Variants in OR2AT4 observed in about 807,000 individuals in gnomAD.
The protein encoded by OR2AT4 is olfactory receptor 2AT4.
OR2AT4 carries 6 observed loss-of-function variants against 10.3 expected under a neutral mutation model. The observed-to-expected ratio is 0.58, with a 90% CI of 0.32 to 1.15. OR2AT4 has a LOEUF of 1.15. Ranked by LOEUF, OR2AT4 falls within the 50% of genes most tolerant of loss-of-function variation. The pLI, the probability that OR2AT4 is intolerant of heterozygous loss-of-function variation, is 0.05. For synonymous variants in OR2AT4, 145 were observed against 159.1 expected (o/e 0.91, Z 0.67); for missense variants, 354 against 393.8 (o/e 0.90, Z 0.85).
chr11:75,089,185 C>T, exon 2 of OR2AT4: 1 of 1,614,130 alleles, frequency 6.2e-7, no homozygotes, highest in East Asian at 2.2e-5. Flanking sequence ...TAGATGTAGG[C>T]AATGCTGTTA....
chr11:75,093,810 C>CTTTTTTTTTTTTTTTTTTTTTTTTTTTTT (rs556380402), intron 1 of OR2AT4, among the ~76,000 whole-genome samples: 4 of 61,804 alleles, frequency 6.5e-5, no homozygotes, highest in Non-Finnish European at 1.1e-4. Context: ...TTTTCTTTTT[C>CTTTTTTTTTTTTTTTTTTTTTTTTTTTTT]TTTTTTTTTT....
At chr11:75,083,015 G>A (rs1949273435) in exon 2 of OR2AT4, 1 of 142,326 alleles carries the variant, frequency 7.0e-6, no homozygotes, top group Admixed American at 7.1e-5. Context: ...GGAGGTCAAG[G>A]TTGCAGTGAA....
exon 2 of OR2AT4, chr11:75,089,381 A>G (rs1949309794): frequency 6.2e-7 from 1 of 1,614,016 alleles, no homozygotes; most frequent in Non-Finnish European, 8.5e-7. Flanking sequence ...AACATGTAAA[A>G]CTTTGGAAGA....
At chr11:75,087,736 C>T (rs932352766) in exon 2 of OR2AT4, 2 of 152,202 alleles carry the variant, frequency 1.3e-5, no homozygotes, top group African/African-American at 4.8e-5. Context: ...GGTCATGCCA[C>T]TAACTTGAGA....
At chr11:75,088,577 A>AT (rs538223922) in exon 2 of OR2AT4, 1,417 of 602,132 alleles carry the variant, frequency 2.4e-3, no homozygotes, top group South Asian at 3.5e-3. Flanking sequence ...TGCCATGAAG[A>AT]TTTTTTTTTT....
exon 2 of OR2AT4, chr11:75,082,731 T>G (rs902578379): frequency 6.6e-6 from 1 of 152,176 alleles, no homozygotes; most frequent in Non-Finnish European, 1.5e-5. Flanking sequence ...AAACAGTTTC[T>G]GCACAGCGAA....
chr11:75,081,838 T>G (rs142244020), exon 2 of OR2AT4: 1 of 152,198 alleles, frequency 6.6e-6, no homozygotes, highest in Non-Finnish European at 1.5e-5. Flanking sequence ...GAAAGATCTC[T>G]ACAAGAAGAA....
At chr11:75,096,590 G>A (rs1193213399) in intron 1 of OR2AT4, among the ~76,000 whole-genome samples, 1 of 152,116 alleles carries the variant, frequency 6.6e-6, no homozygotes, top group African/African-American at 2.4e-5. Flanking sequence ...CTCCTTGTGA[G>A]GAATTCTCTT....
chr11:75,093,647 GATGATTAC>G (rs1464125331), intron 1 of OR2AT4, among the ~76,000 whole-genome samples: 1 of 152,070 alleles, frequency 6.6e-6, no homozygotes. Context: ...ATGATTCCAA[GATGATTAC>G]CTGATGATCT....
chr11:75,089,019 C>A (rs369166223), exon 2 of OR2AT4: 2 of 1,614,048 alleles, frequency 1.2e-6, no homozygotes, highest in Non-Finnish European at 1.7e-6. Flanking sequence ...GGAACTGATG[C>A]GAAGCACTGA....
chr11:75,093,133 C>T (rs7109062), intron 1 of OR2AT4, among the ~76,000 whole-genome samples: 8,936 of 152,182 alleles, frequency 0.059, 373 homozygotes, highest in African/African-American at 0.11. Context: ...TGTCATATTA[C>T]AATAAAAGGA....
chr11:75,082,273 A>G (rs1445188478), exon 2 of OR2AT4: 1 of 152,102 alleles, frequency 6.6e-6, no homozygotes, highest in Admixed American at 6.6e-5. Context: ...TAAGTATGGG[A>G]AAAGGACTCC....
rs145245435 is a variant in OR2AT4, at chr11:75,089,372, A to C, written c.342T>G (p.Cys114Trp). The stretch of plus-strand genomic sequence containing the variant: ...TGACCACCAGGATGAAGGCTTCTGA[A>C]CATGTAAAACTTTGGAAGAGGTACA... Residue 114 changes from cysteine (C) to tryptophan (W), a missense_variant, in exon 2 of 2, where the codon TGT (cysteine) becomes TGG (tryptophan). Coordinates refer to ENST00000641504, the Ensembl canonical transcript of OR2AT4. 4.1e-3 allele frequency: 6,618 copies of C among 1,614,222 alleles called. 20 individuals carry two copies. The highest frequency in any genetic ancestry group is 5.1e-3 in the Non-Finnish European group (6,040 of 1,180,030).
At chr11:75,096,201 A>G (rs1949348051) in intron 1 of OR2AT4, 4 of 151,550 alleles carry the variant, frequency 2.6e-5, no homozygotes, top group Admixed American at 2.0e-4. Context: ...CTCCAGCTTG[A>G]TAAATATTTT....
chr11:75,094,168 G>A (rs949800034), intron 1 of OR2AT4, among the ~76,000 whole-genome samples: 8 of 151,892 alleles, frequency 5.3e-5, no homozygotes, highest in Non-Finnish European at 8.8e-5. Context: ...AAAAGATCCA[G>A]GGCTTTCCCA....
At chr11:75,089,748 G>C in exon 2 of OR2AT4, 1 of 1,579,302 alleles carries the variant, frequency 6.3e-7, no homozygotes, top group Non-Finnish European at 8.6e-7. Context: ...GAGATGGGCA[G>C]CTGGAACATC....
chr11:75,083,501 A>C (rs1949274997), exon 2 of OR2AT4: 1 of 152,206 alleles, frequency 6.6e-6, no homozygotes, highest in Non-Finnish European at 1.5e-5. Flanking sequence ...CTCAAAGAAC[A>C]TAAAATAGAG....
At chr11:75,088,815 C>T in exon 2 of OR2AT4, 2 of 1,603,700 alleles carry the variant, frequency 1.2e-6, no homozygotes, top group Non-Finnish European at 1.7e-6. Context: ...CTTTACATCC[C>T]TGTTTCTCAG....
At chr11:75,092,414 G>A (rs1392160248) in intron 1 of OR2AT4, among the ~76,000 whole-genome samples, 1 of 152,060 alleles carries the variant, frequency 6.6e-6, no homozygotes, top group Non-Finnish European at 1.5e-5. Flanking sequence ...AGGTACTCAC[G>A]TGCAATAAAG....
Sources: allele counts gnomAD v4.1 joint callset (sites outside exome capture counted in the v4.1 genomes callset), GRCh38; gene constraint gnomAD v4.1.1; transcripts MANE v1.5; gene names NCBI Gene and HGNC (gene_info 2026-07-23, HGNC 2026-07-21).